The following TBC1D5 variants were observed in gnomAD, a reference collection of about 807,000 sequenced individuals.
The protein encoded by TBC1D5 is TBC1 domain family member 5.
A neutral mutation model predicts 100.3 loss-of-function variants in TBC1D5; 75 were observed. The ratio of observed to expected loss-of-function variants is 0.75; its 90% CI spans 0.62 to 0.91. The LOEUF is 0.91. TBC1D5 is among the 40% of genes least tolerant of loss of function. The pLI is 0.00. For synonymous variants in TBC1D5, 323 were observed against 325.6 expected (o/e 0.99, Z 0.09); for missense variants, 910 against 942.4 (o/e 0.97, Z 0.45).
intron 3 of TBC1D5, among the ~76,000 whole-genome samples, chr3:17,454,681 T>G (rs35521582): frequency 6.6e-6 from 1 of 151,848 alleles, no homozygotes; most frequent in African/African-American, 2.4e-5. Context: ...AGGATGGTCT[T>G]GATCTCCTGA....
intron 13 of TBC1D5, among the ~76,000 whole-genome samples, chr3:17,361,868 A>G (rs2151891385): frequency 6.6e-6 from 1 of 152,232 alleles, no homozygotes; most frequent in Admixed American, 6.5e-5. Flanking sequence ...ACGTAAGTAA[A>G]AGGATAAGAG....
intron 2 of TBC1D5, among the ~76,000 whole-genome samples, chr3:17,587,945 G>A (rs932401187): frequency 1.3e-5 from 2 of 151,850 alleles, no homozygotes; most frequent in African/African-American, 2.4e-5. Context: ...TCCAACATAC[G>A]TGTATTTGAT....
At chr3:17,691,715 C>T (rs969634472) in intron 1 of TBC1D5, among the ~76,000 whole-genome samples, 2 of 151,714 alleles carry the variant, frequency 1.3e-5, no homozygotes, top group South Asian at 2.1e-4. Context: ...TATTCAGGAG[C>T]CTGAGGCAGG....
At chr3:17,489,739 T>TC (rs2095615235) in intron 3 of TBC1D5, among the ~76,000 whole-genome samples, 2 of 152,236 alleles carry the variant, frequency 1.3e-5, no homozygotes, top group Admixed American at 6.5e-5. Context: ...TACCACATTT[T>TC]CTTTATCAAG....
intron 2 of TBC1D5, among the ~76,000 whole-genome samples, chr3:17,615,981 G>A (rs1446282178): frequency 6.6e-6 from 1 of 152,058 alleles, no homozygotes; most frequent in East Asian, 1.9e-4. Flanking sequence ...TGTGACGTTA[G>A]GGTGTCGATT....
intron 15 of TBC1D5, among the ~76,000 whole-genome samples, chr3:17,276,404 G>A (rs2080019766): frequency 6.6e-6 from 1 of 152,190 alleles, no homozygotes; most frequent in Admixed American, 6.5e-5. Context: ...GCCACCAAAA[G>A]TGAATGGGAT....
chr3:17,669,367 G>A (rs774171759), intron 1 of TBC1D5, among the ~76,000 whole-genome samples: 4 of 152,098 alleles, frequency 2.6e-5, no homozygotes, highest in South Asian at 2.1e-4. Flanking sequence ...CTAATACAAC[G>A]ACAAAGAAGA....
chr3:17,700,071 C>G (rs1239906792), intron 1 of TBC1D5: 1 of 151,934 alleles, frequency 6.6e-6, no homozygotes, highest in Non-Finnish European at 1.5e-5. Flanking sequence ...GTTCTAAAGC[C>G]CCACCTTCTT....
At chr3:17,678,284 A>G (rs1425917471) in intron 1 of TBC1D5, among the ~76,000 whole-genome samples, 1 of 152,172 alleles carries the variant, frequency 6.6e-6, no homozygotes, top group Non-Finnish European at 1.5e-5. Flanking sequence ...TAAGATAACT[A>G]AAGAATCACA....
chr3:17,229,011 G>T lies in TBC1D5; in HGVS notation c.1588+9152C>A, dbSNP rs569463740. Among the ~76,000 whole-genome samples the T allele has an allele frequency of 2.8e-4, 43 of 152,138 alleles. 1 individual carries two copies. The highest frequency in any genetic ancestry group is 9.2e-4 in the Admixed American group (14 of 15,264). The stretch of plus-strand genomic sequence containing the variant: ...GATTTTCTATTACCAAATTCGATAG[G>T]AAATAAGAAAAGGGGGTGGGCATTT... On this transcript the variant is annotated intron_variant, in intron 17 of 21. Transcript: ENST00000253692.
chr3:17,648,038 C>G (rs1577218164), intron 1 of TBC1D5, among the ~76,000 whole-genome samples: 1 of 152,164 alleles, frequency 6.6e-6, no homozygotes, highest in East Asian at 1.9e-4. Context: ...CAATCCTAGG[C>G]AAAAAGAACA....
chr3:17,655,899 C>T (rs781130970), intron 1 of TBC1D5, among the ~76,000 whole-genome samples: 46 of 152,300 alleles, frequency 3.0e-4, no homozygotes, highest in Non-Finnish European at 3.4e-4. Context: ...CAGAAGGAAC[C>T]AACCCTGCTG....
At chr3:17,714,455 T>C (rs889056974) in intron 1 of TBC1D5, among the ~76,000 whole-genome samples, 2 of 152,186 alleles carry the variant, frequency 1.3e-5, no homozygotes, top group African/African-American at 4.8e-5. Flanking sequence ...CTAGGCTCAG[T>C]GCAAGCCTGG....
intron 9 of TBC1D5, among the ~76,000 whole-genome samples, chr3:17,377,809 A>G (rs1170647217): frequency 6.6e-6 from 1 of 151,972 alleles, no homozygotes; most frequent in Non-Finnish European, 1.5e-5. Flanking sequence ...AGATTTAGTT[A>G]TATTTTTACA....
intron 2 of TBC1D5, among the ~76,000 whole-genome samples, chr3:17,604,703 CAG>C (rs1171407598): frequency 6.6e-6 from 1 of 152,154 alleles, no homozygotes; most frequent in African/African-American, 2.4e-5. Context: ...GGTTTTGAGA[CAG>C]AGTCTGGCTG....
intron 3 of TBC1D5, among the ~76,000 whole-genome samples, chr3:17,494,904 G>A (rs2095686495): frequency 6.6e-6 from 1 of 152,198 alleles, no homozygotes; most frequent in South Asian, 2.1e-4. Context: ...TGGTGGCATG[G>A]GCTCATGAGG....
intron 1 of TBC1D5, among the ~76,000 whole-genome samples, chr3:17,646,624 C>T (rs770954468): frequency 6.6e-6 from 1 of 152,114 alleles, no homozygotes; most frequent in Non-Finnish European, 1.5e-5. Context: ...CACCATCATG[C>T]CCCTGGACTA....
chr3:17,359,532 G>C (rs1407328712), intron 13 of TBC1D5, among the ~76,000 whole-genome samples: 1 of 152,006 alleles, frequency 6.6e-6, no homozygotes, highest in Non-Finnish European at 1.5e-5. Context: ...TTAAAAGCTA[G>C]TCAGGAGACA....
At chr3:17,344,687 C>T (rs1232332239) in intron 13 of TBC1D5, among the ~76,000 whole-genome samples, 1 of 152,114 alleles carries the variant, frequency 6.6e-6, no homozygotes, top group Non-Finnish European at 1.5e-5. Context: ...CTACAGTAAC[C>T]AAAGCAGCAT....
Sources: gnomAD v4.1 joint callset for allele counts (sites outside exome capture counted in the v4.1 genomes callset) on GRCh38, gnomAD v4.1.1 for gene constraint, MANE v1.5 for transcripts, NCBI Gene and HGNC (gene_info 2026-07-23, HGNC 2026-07-21) for gene names.